The following G6PC3 variants were observed in gnomAD, a reference collection of about 807,000 sequenced individuals.
G6PC3 encodes the protein glucose-6-phosphatase 3.
In G6PC3, 30 loss-of-function variants were observed where a neutral mutation model predicts 38.6. The observed-to-expected ratio is 0.78, with a 90% CI of 0.58 to 1.05. G6PC3 has a LOEUF of 1.05. Among genes scored for constraint, G6PC3 ranks in the 50% least tolerant of loss-of-function variants. G6PC3 has a pLI of 0.00. For synonymous variants in G6PC3, 192 were observed against 178.1 expected (o/e 1.08, Z -0.62); for missense variants, 377 against 443.1 (o/e 0.85, Z 1.34).
chr17:44,073,959 T>G, intron 1 of G6PC3: 1 of 628,036 alleles, frequency 1.6e-6, no homozygotes, highest in Non-Finnish European at 2.9e-6. Flanking sequence ...AGAAAAGAAA[T>G]AGTGTGCTTT....
Position 44,071,236 on chromosome 17 carries a change from G to A in G6PC3, c.218+53G>A, listed in dbSNP as rs755535333. ...TGGTCCCCACCCCCGAGGGCCCTGA[G>A]TCATGTGTAAGCCCTGGTCTCTTTC... On this transcript the variant is annotated intron_variant, in intron 1 of 5. Transcript: ENST00000269097. 67 of 1,585,054 alleles carry A rather than the reference G, an allele frequency of 4.2e-5. No individual in the cohort carries two copies. In the Middle Eastern group the frequency reaches 9.0e-4, roughly 21 times the overall value.
rs989437299 is a variant in G6PC3 at position 44,074,971 on chromosome 17, G to T, written c.419G>T (p.Arg140Leu). The change falls in exon 4 of 6, where the codon CGC becomes CTC. Residue 140 changes from arginine to leucine, a missense_variant and splice_region_variant. Coordinates refer to ENST00000269097, the MANE Select transcript of G6PC3 (RefSeq NM_138387.4). ...SSQVATRARSRWVRVMPSLAY... is the reference protein window; with the variant it reads ...SSQVATRARSLWVRVMPSLAY... ...CTCCTTGCCTCTCTTCTTTCTAGCC[G>T]CTGGGTAAGGGTGATGCCTAGCCTG... The T allele has an allele frequency of 1.9e-6, 3 of 1,613,250 alleles. No individual in the cohort carries two copies. The highest frequency in any genetic ancestry group is 1.1e-5 in the South Asian group (1 of 91,078).
At chr17:44,074,896 G>A in intron 3 of G6PC3, 73 bp from the exon 4 acceptor site, 1 of 1,457,116 alleles carries the variant, frequency 6.9e-7, no homozygotes, top group Middle Eastern at 1.7e-4. Context: ...TTCAACCATG[G>A]AGTACCTGGG....
In G6PC3 at chr17:44,076,007, C is replaced by A; in HGVS notation, c.1005C>A (p.Phe335Leu). The change falls in exon 6 of 6, where the codon TTC (phenylalanine) becomes TTA (leucine). Residue 335 changes from phenylalanine (F) to leucine (L), a missense_variant. Transcript: ENST00000269097. Reference protein sequence around the residue: ...LALVPWAVHMFSAQEAPPIHS... With the variant: ...LALVPWAVHMLSAQEAPPIHS... ...TCGTGCCCTGGGCAGTGCACATGTT[C>A]AGTGCCCAGGAAGCACCGCCCATCC... 1 of 1,613,148 alleles carries A rather than the reference C, an allele frequency of 6.2e-7. No homozygotes were observed. The highest frequency in any genetic ancestry group is 1.1e-5 in the South Asian group (1 of 91,076).
At chr17:44,074,935 C>G in intron 3 of G6PC3, 34 bp from the exon 4 acceptor site, 1 of 1,572,804 alleles carries the variant, frequency 6.4e-7, no homozygotes, top group African/African-American at 1.3e-5. Flanking sequence ...TGTGTATGGA[C>G]ACGCTCTGAG....
intron 2 of G6PC3, 48 bp downstream of exon 2, chr17:44,074,314 G>C (rs766199743): frequency 7.1e-7 from 1 of 1,412,328 alleles, no homozygotes; most frequent in Non-Finnish European, 1.0e-6. Flanking sequence ...TTAGGGTTCG[G>C]GTGAACATTT....
In G6PC3 at chr17:44,074,792, C is replaced by T; in HGVS notation, c.416+22C>T. The stretch of plus-strand genomic sequence containing the variant: ...GCAGGTATACCCTTGGCATTGCCCA[C>T]CATTGGGAGCAGGGGTGATGGCACC... On this transcript the variant is annotated intron_variant, in intron 3 of 5. Transcript: ENST00000269097. 4 of 1,604,786 alleles carry T rather than the reference C, an allele frequency of 2.5e-6. No homozygotes were observed. The South Asian group carries it at 3.3e-5, about 13-fold the overall frequency.
Position 44,071,151 on chromosome 17 carries a change from CAT to C in G6PC3, c.187_188del (p.Ile63HisfsTer23). 1 of 1,613,982 alleles carries C rather than the reference CAT, an allele frequency of 6.2e-7. No homozygotes were observed. Among genetic ancestry groups the C allele is most frequent in the South Asian group, 1.1e-5 (1 of 91,036 alleles). On this transcript the variant is annotated frameshift_variant, in exon 1 of 6. Transcript: ENST00000269097. The stretch of plus-strand genomic sequence containing the variant: ...GCATCGCGGTGCTCTGGATCAGCCT[CAT>C]CACCGAGTGGCTCAACCTCATCTTC... ...VGIAVLWISL[I>X]TEWLNLIFKW...
In G6PC3 at chr17:44,075,996, G is replaced by C; in HGVS notation, c.994G>C (p.Val332Leu). 6.2e-7 allele frequency: 1 copy of C among 1,613,182 alleles called. No homozygotes were observed. Among genetic ancestry groups the C allele is most frequent in the Non-Finnish European group, 8.5e-7 (1 of 1,179,990 alleles). Residue 332 changes from valine (V) to leucine (L), a missense_variant, in exon 6 of 6, where the codon GTG becomes CTG. Coordinates refer to ENST00000269097, the MANE Select transcript of G6PC3 (RefSeq NM_138387.4). ...CLVLALVPWA[V>L]HMFSAQEAPP... The stretch of plus-strand genomic sequence containing the variant: ...AGTCCTGGCCCTCGTGCCCTGGGCA[G>C]TGCACATGTTCAGTGCCCAGGAAGC...
chr17:44,070,845 G>C lies in G6PC3; in HGVS notation c.-121G>C. The C allele has an allele frequency of 8.7e-7, 1 of 1,155,382 alleles. No individual in the cohort carries two copies. The highest frequency in any genetic ancestry group is 1.2e-6 in the Non-Finnish European group (1 of 802,498). The allele number at this position is 1,155,382 out of a possible 1,614,324, so 71.6% of individuals were successfully genotyped here. On this transcript the variant is annotated 5_prime_UTR_variant, in exon 1 of 6. Transcript: ENST00000269097. The stretch of plus-strand genomic sequence containing the variant: ...CGGGGCTTGGTGGTGACCGCTGGCG[G>C]GGCGGGGCCTGGGGCTCAGAGGGGT...
chr17:44,072,656 G>A (rs1239945787), intron 1 of G6PC3: 5 of 136,924 alleles, frequency 3.7e-5, no homozygotes, highest in African/African-American at 1.3e-4. Context: ...TTCTTTTTGA[G>A]ATGGAGTCTT....
chr17:44,074,500 A>C (rs1289140991), intron 2 of G6PC3, among the ~76,000 whole-genome samples, 180 bp from the exon 3 acceptor site: 1 of 152,212 alleles, frequency 6.6e-6, no homozygotes, highest in Admixed American at 6.5e-5. Flanking sequence ...TCAGGACAGA[A>C]ACCTGAGCAC....
In G6PC3 at chr17:44,075,819, G is replaced by A. The variant is rs774716362; in HGVS notation, c.817G>A (p.Val273Met). Residue 273 changes from valine to methionine, a missense_variant, in exon 6 of 6, where the codon GTG becomes ATG. By Grantham distance (21) the Val-to-Met change is conservative (BLOSUM62 1). Coordinates refer to ENST00000269097, the MANE Select transcript of G6PC3 (RefSeq NM_138387.4). ...IALHSPCYAQ[V>M]RRAQLGNGQK... ...CTTGCACTCTCCCTGCTATGCCCAG[G>A]TGCGTCGGGCACAGCTGGGAAATGG... 1 of 1,611,660 alleles carries A rather than the reference G, an allele frequency of 6.2e-7. No homozygotes were observed. Among genetic ancestry groups the A allele is most frequent in the East Asian group, 2.2e-5 (1 of 44,876 alleles).
rs1051110442 is a variant in G6PC3 at position 44,070,798 on chromosome 17, A to T, written c.-168A>T. On this transcript the variant is annotated 5_prime_UTR_variant, in exon 1 of 6. Coordinates refer to ENST00000269097, the MANE Select transcript of G6PC3 (RefSeq NM_138387.4). ...AGTACCGGCTGGAGGCCGGTCTTGC[A>T]GGAGCGGGGGACTGCTGGGGGCGGG... 8.2e-6 allele frequency: 6 copies of T among 733,988 alleles called. No individual in the cohort carries two copies. Among genetic ancestry groups the T allele is most frequent in the Admixed American group, 4.1e-5 (2 of 48,390 alleles). 45.5% of individuals were successfully genotyped at this position (733,988 alleles called of 1,614,324 possible).
At chr17:44,071,840 T>C (rs1288116129) in intron 1 of G6PC3, 4 of 438,496 alleles carry the variant, frequency 9.1e-6, no homozygotes, top group East Asian at 7.1e-5. Flanking sequence ...GCAGTAAAGT[T>C]TGGGCTAAAG....
rs1013640910 is a variant in G6PC3, at chr17:44,075,997, T to G, written c.995T>G (p.Val332Gly). 2 of 1,613,254 alleles carry G rather than the reference T, an allele frequency of 1.2e-6. No individual in the cohort carries two copies. The highest frequency in any genetic ancestry group is 1.7e-6 in the Non-Finnish European group (2 of 1,180,012). ...GTCCTGGCCCTCGTGCCCTGGGCAG[T>G]GCACATGTTCAGTGCCCAGGAAGCA... ...CLVLALVPWA[V>G]HMFSAQEAPP... Residue 332 changes from valine (V) to glycine (G), a missense_variant, in exon 6 of 6, where the codon GTG becomes GGG. Val to Gly is a moderately radical substitution (Grantham distance 109, BLOSUM62 -3). Coordinates refer to ENST00000269097, the MANE Select transcript of G6PC3 (RefSeq NM_138387.4).
At chr17:44,075,656 G>C (rs2050085524) in intron 5 of G6PC3, 24 bp from the exon 6 acceptor site, 1 of 1,608,550 alleles carries the variant, frequency 6.2e-7, no homozygotes. Context: ...AGCCTCTCCT[G>C]GCAAGAACTC....
chr17:44,075,645 C>T (rs755580450), intron 5 of G6PC3, 35 bp from the exon 6 acceptor site: 2 of 1,607,550 alleles, frequency 1.2e-6, no homozygotes, highest in Admixed American at 1.7e-5. Context: ...TTCTATGTTC[C>T]AGCCTCTCCT....
At chr17:44,071,541 CA>C in intron 1 of G6PC3, 1 of 680,760 alleles carries the variant, frequency 1.5e-6, no homozygotes, top group Non-Finnish European at 2.1e-6. Context: ...CATATTTTAA[CA>C]AATATGGTGA....
Sources: gnomAD v4.1 joint callset for allele counts (sites outside exome capture counted in the v4.1 genomes callset) on GRCh38, gnomAD v4.1.1 for gene constraint, MANE v1.5 for transcripts, NCBI Gene and HGNC (gene_info 2026-07-23, HGNC 2026-07-21) for gene names.